Variants in ZFP64 observed in about 807,000 individuals in gnomAD.
The protein encoded by ZFP64 is zinc finger protein 64.
In ZFP64, 14 loss-of-function variants were observed where a neutral mutation model predicts 51.6. That is an observed-to-expected ratio of 0.27 (90% CI 0.18 to 0.42). The LOEUF (loss-of-function observed/expected upper bound fraction) is 0.42, where lower values mean the gene tolerates loss of function less well. Ranked by LOEUF, ZFP64 falls within the 10% of genes least tolerant of loss-of-function variation. The probability of loss-of-function intolerance (pLI) is 1.00; values close to 1 mark genes in which losing one functional copy is unlikely to be tolerated. For missense variants in ZFP64, 754 were observed against 906.8 expected (o/e 0.83, Z 2.16); for synonymous variants, 375 against 361.4 (o/e 1.04, Z -0.43).
intron 5 of ZFP64, among the ~76,000 whole-genome samples, chr20:52,108,530 C>T (rs1229616525): frequency 3.4e-5 from 5 of 148,234 alleles, no homozygotes; most frequent in African/African-American, 1.0e-4. Flanking sequence ...TCTTTTGAGA[C>T]GAAGTTTCAC....
At chr20:52,146,585 G>C (rs375034387), downstream of ZFP64, among the ~76,000 whole-genome samples, 35 of 123,042 alleles carry the variant, frequency 2.8e-4, no homozygotes, top group African/African-American at 6.1e-4. Context: ...GTTGTGGGGT[G>C]GGGGGAGGGG....
chr20:52,090,948 A>G (rs2078919610), intron 7 of ZFP64, among the ~76,000 whole-genome samples: 1 of 150,710 alleles, frequency 6.6e-6, no homozygotes, highest in Non-Finnish European at 1.5e-5. Context: ...AAAAAAAAAA[A>G]AAAAGGATTT....
intron 5 of ZFP64, among the ~76,000 whole-genome samples, chr20:52,100,264 G>T (rs1458544031): frequency 4.0e-5 from 6 of 148,864 alleles, no homozygotes; most frequent in African/African-American, 7.6e-5. Context: ...TTTTTTTTTT[G>T]AAACAGAGTC....
Position 52,084,611 on chromosome 20 carries a change from G to C in ZFP64, c.1884C>G (p.Thr628=), listed in dbSNP as rs150634112. The stretch of plus-strand genomic sequence containing the variant: ...CCTCGAGCTGCCCCACGGAGACCAG[G>C]GTGCTGAGCTGTCCCGAGGCACCGC... The change falls in exon 9 of 9, where the codon ACC becomes ACG. Residue 628 remains threonine (T), a synonymous_variant. Transcript: ENST00000361387. 72 of 1,614,034 alleles carry C rather than the reference G, an allele frequency of 4.5e-5. No homozygotes were observed. In the African/African-American group the frequency reaches 9.6e-4, roughly 22 times the overall value.
At chr20:52,187,342 C>T (rs955192843) in intron 1 of ZFP64, among the ~76,000 whole-genome samples, 1 of 152,106 alleles carries the variant, frequency 6.6e-6, no homozygotes, top group African/African-American at 2.4e-5. Context: ...AGAAAATTGG[C>T]CAGGCGCGGT....
At chr20:52,187,281 T>G (rs1984041227) in intron 1 of ZFP64, among the ~76,000 whole-genome samples, 1 of 152,132 alleles carries the variant, frequency 6.6e-6, no homozygotes, top group African/African-American at 2.4e-5. Context: ...TTTCTTGCCT[T>G]AGTTAAACTT....
intron 2 of ZFP64, among the ~76,000 whole-genome samples, chr20:52,166,533 C>A (rs1229522658): frequency 6.6e-6 from 1 of 151,956 alleles, no homozygotes; most frequent in African/African-American, 2.4e-5. Flanking sequence ...CAGCTCACTG[C>A]AGCCTTGACC....
chr20:52,110,107 T>C (rs1378839867), intron 5 of ZFP64, among the ~76,000 whole-genome samples: 1 of 152,112 alleles, frequency 6.6e-6, no homozygotes, highest in East Asian at 1.9e-4. Context: ...ACCAATTCCT[T>C]CTGAGGGGTC....
At chr20:52,172,964 T>C (rs1982877282) in intron 2 of ZFP64, among the ~76,000 whole-genome samples, 1 of 152,168 alleles carries the variant, frequency 6.6e-6, no homozygotes, top group South Asian at 2.1e-4. Context: ...GCATATTCAG[T>C]TATTTGATCA....
chr20:52,120,692 T>G (rs889028769), intron 5 of ZFP64, among the ~76,000 whole-genome samples: 1 of 144,352 alleles, frequency 6.9e-6, no homozygotes, highest in Non-Finnish European at 1.5e-5. Flanking sequence ...TTTTTTTTTT[T>G]TTGAGACGGA....
At chr20:52,125,608 C>G (rs529671167) in intron 5 of ZFP64, among the ~76,000 whole-genome samples, 22 of 152,192 alleles carry the variant, frequency 1.4e-4, no homozygotes, top group Non-Finnish European at 2.6e-4. Context: ...GCCTACGTTA[C>G]GTGGTTGTCC....
chr20:52,148,594 G>C (rs1438127004), downstream of ZFP64, among the ~76,000 whole-genome samples: 1 of 152,152 alleles, frequency 6.6e-6, no homozygotes, highest in Non-Finnish European at 1.5e-5. Context: ...CCAGCTACGT[G>C]GGAGGCTGAG....
At chr20:52,111,147 G>C (rs1978549184) in intron 5 of ZFP64, 2 of 699,474 alleles carry the variant, frequency 2.9e-6, no homozygotes, top group East Asian at 2.7e-5. Flanking sequence ...CGGGTTCCGC[G>C]ACGGGGAGGT....
intron 5 of ZFP64, among the ~76,000 whole-genome samples, chr20:52,136,698 C>A (rs1395922890): frequency 6.6e-6 from 1 of 151,978 alleles, no homozygotes; most frequent in African/African-American, 2.4e-5. Context: ...AACACCAGTA[C>A]CTTGCTTATA....
At chr20:52,126,150 G>A (rs953582959) in intron 5 of ZFP64, among the ~76,000 whole-genome samples, 2 of 152,068 alleles carry the variant, frequency 1.3e-5, no homozygotes, top group East Asian at 1.9e-4. Flanking sequence ...CGCCTGCCTC[G>A]GCCTCCCAAA....
intron 7 of ZFP64, among the ~76,000 whole-genome samples, chr20:52,095,215 C>G (rs1347517833): frequency 6.6e-6 from 1 of 152,194 alleles, no homozygotes; most frequent in Non-Finnish European, 1.5e-5. Context: ...ACAGGAGAAA[C>G]TTCCTTTTCC....
At chr20:52,187,825 A>G (rs1984084737) in intron 1 of ZFP64, among the ~76,000 whole-genome samples, 1 of 152,150 alleles carries the variant, frequency 6.6e-6, no homozygotes, top group South Asian at 2.1e-4. Context: ...TATCAAAGAT[A>G]AAAGGGATGT....
intron 3 of ZFP64, 42 bp from the exon 4 acceptor site, chr20:52,164,799 G>C: frequency 6.4e-7 from 1 of 1,562,602 alleles, no homozygotes; most frequent in Non-Finnish European, 8.8e-7. Context: ...GGAAAACTTA[G>C]TAACTTTTAG....
At chr20:52,159,977 CAACA>C in intron 5 of ZFP64, 142 bp downstream of exon 5, 1 of 1,414,062 alleles carries the variant, frequency 7.1e-7, no homozygotes, top group Non-Finnish European at 9.6e-7. Context: ...AAAACAACAA[CAACA>C]AAAAAAAACA....
Sources: gnomAD v4.1 joint callset for allele counts (sites outside exome capture counted in the v4.1 genomes callset) on GRCh38, gnomAD v4.1.1 for gene constraint, MANE v1.5 for transcripts, NCBI Gene and HGNC (gene_info 2026-07-23, HGNC 2026-07-21) for gene names.